Variants in NELL2 observed in about 807,000 individuals in gnomAD.
The protein encoded by NELL2 is neural EGFL like 2.
A neutral mutation model predicts 109.6 loss-of-function variants in NELL2; 41 were observed. The ratio of observed to expected loss-of-function variants is 0.37; its 90% confidence interval spans 0.29 to 0.49. The LOEUF (loss-of-function observed/expected upper bound fraction) is 0.49. NELL2 is among the 20% of genes least tolerant of loss of function. The pLI is 0.98. For synonymous variants in NELL2, 355 were observed against 344.7 expected (o/e 1.03, Z -0.33); for missense variants, 900 against 1,008.3 (o/e 0.89, Z 1.45).
intron 9 of NELL2, among the ~76,000 whole-genome samples, chr12:44,759,579 A>G (rs1201997840): frequency 6.6e-6 from 1 of 152,208 alleles, no homozygotes. Flanking sequence ...GATTGAAGAA[A>G]AAAATCCCAG....
intron 19 of NELL2, among the ~76,000 whole-genome samples, chr12:44,509,974 G>A (rs766304069): frequency 6.6e-6 from 1 of 152,086 alleles, no homozygotes; most frequent in Non-Finnish European, 1.5e-5. Flanking sequence ...TTTTCAGTTA[G>A]GGAAGAAAAC....
chr12:44,866,138 T>G (rs935287548), intron 2 of NELL2, among the ~76,000 whole-genome samples: 1 of 152,232 alleles, frequency 6.6e-6, no homozygotes, highest in African/African-American at 2.4e-5. Flanking sequence ...AGGTGTAATC[T>G]ATGAGGAATG....
intron 9 of NELL2, among the ~76,000 whole-genome samples, chr12:44,755,179 ACCACATGCC>A (rs1940829045): frequency 6.6e-6 from 1 of 151,922 alleles, no homozygotes; most frequent in Non-Finnish European, 1.5e-5. Flanking sequence ...CAGCAAGAAC[ACCACATGCC>A]CCATGGACTT....
intron 2 of NELL2, among the ~76,000 whole-genome samples, chr12:44,816,528 A>T (rs1943356889): frequency 6.6e-6 from 1 of 152,206 alleles, no homozygotes. Context: ...CTAAACAACC[A>T]CACTAGAACT....
intron 9 of NELL2, among the ~76,000 whole-genome samples, chr12:44,760,652 A>G (rs10553939): frequency 0.055 from 846 of 15,324 alleles, 11 homozygotes; most frequent in South Asian, 0.13. Context: ...AGTGAACAAA[A>G]TAATCATTTA....
intron 9 of NELL2, among the ~76,000 whole-genome samples, chr12:44,747,221 T>G (rs1481388791): frequency 1.3e-5 from 2 of 152,036 alleles, no homozygotes; most frequent in Non-Finnish European, 2.9e-5. Flanking sequence ...ACACCACATG[T>G]TCTCACTCAT....
chr12:44,558,406 C>T (rs144408580), intron 15 of NELL2, among the ~76,000 whole-genome samples: 1 of 152,350 alleles, frequency 6.6e-6, no homozygotes, highest in African/African-American at 2.4e-5. Flanking sequence ...CTGCAGCTCT[C>T]AGAGAGATAA....
chr12:44,722,068 G>A (rs767961663), intron 9 of NELL2, among the ~76,000 whole-genome samples: 6 of 152,122 alleles, frequency 3.9e-5, no homozygotes, highest in Non-Finnish European at 8.8e-5. Flanking sequence ...TAGCATACTG[G>A]AGATGGAACA....
intron 13 of NELL2, among the ~76,000 whole-genome samples, chr12:44,662,871 G>A (rs1947796220): frequency 6.6e-6 from 1 of 152,074 alleles, no homozygotes; most frequent in African/African-American, 2.4e-5. Context: ...CAGGGATACA[G>A]AAGCAAAACA....
intron 2 of NELL2, among the ~76,000 whole-genome samples, chr12:44,834,472 T>C (rs1427438808): frequency 6.6e-6 from 1 of 151,636 alleles, no homozygotes; most frequent in Non-Finnish European, 1.5e-5. Context: ...AAAAGGTTTA[T>C]TGATCATGTA....
chr12:44,824,769 G>T (rs11182702), intron 2 of NELL2, among the ~76,000 whole-genome samples: 1 of 146,704 alleles, frequency 6.8e-6, no homozygotes, highest in Non-Finnish European at 1.5e-5. Context: ...GGAGTGCAAC[G>T]GCATGATCTC....
intron 13 of NELL2, among the ~76,000 whole-genome samples, chr12:44,637,008 C>T (rs976497505): frequency 2.6e-5 from 4 of 151,922 alleles, no homozygotes; most frequent in African/African-American, 9.7e-5. Context: ...GGAATTTATC[C>T]ACTTCTTCTA....
At chr12:44,916,238 G>A (rs1292388097), upstream of NELL2, among the ~76,000 whole-genome samples, 3 of 152,130 alleles carry the variant, frequency 2.0e-5, no homozygotes, top group Non-Finnish European at 2.9e-5. Flanking sequence ...TGAACATGAA[G>A]AAGCTGAGAA....
chr12:44,640,892 A>G (rs1376284212), intron 13 of NELL2, among the ~76,000 whole-genome samples: 1 of 152,204 alleles, frequency 6.6e-6, no homozygotes, highest in Non-Finnish European at 1.5e-5. Context: ...AAGATGTTAA[A>G]ACTTTAGAAG....
At chr12:44,691,021 T>A (rs1012286262) in intron 12 of NELL2, among the ~76,000 whole-genome samples, 1 of 152,148 alleles carries the variant, frequency 6.6e-6, no homozygotes, top group Non-Finnish European at 1.5e-5. Flanking sequence ...ATTTTATAGG[T>A]AAGTCATTAA....
chr12:44,656,215 C>CCT (rs1239309161), intron 13 of NELL2, among the ~76,000 whole-genome samples: 31 of 152,200 alleles, frequency 2.0e-4, no homozygotes, highest in Middle Eastern at 6.8e-3. Context: ...CCATTTAGTC[C>CCT]CTGGGTATCA....
Position 44,713,445 on chromosome 12 carries a change from A to G in NELL2, c.1086+1205T>C, listed in dbSNP as rs567248161. ...ACTCTGTCTTCCAATTCTTTTATCT[A>G]TTGTGAGACTTACTCCACTTAAAAC... On this transcript the variant is annotated intron_variant, in intron 10 of 19. Transcript: ENST00000429094. Among the ~76,000 whole-genome samples the G allele has an allele frequency of 5.9e-5, 9 of 151,948 alleles. No individual in the cohort carries two copies. In the South Asian group the frequency reaches 1.0e-3, roughly 17 times the overall value.
chr12:44,762,527 A>G (rs1321564300), intron 9 of NELL2, among the ~76,000 whole-genome samples: 2 of 152,212 alleles, frequency 1.3e-5, no homozygotes, highest in Non-Finnish European at 2.9e-5. Context: ...ATGTGTAACC[A>G]GCAATCCACT....
At chr12:44,516,749 C>T (rs965827211) in intron 19 of NELL2, among the ~76,000 whole-genome samples, 2 of 152,130 alleles carry the variant, frequency 1.3e-5, no homozygotes, top group African/African-American at 4.8e-5. Context: ...CAGCCTTGAA[C>T]GCCTAGGCTC....
Sources: gnomAD v4.1 joint callset for allele counts (sites outside exome capture counted in the v4.1 genomes callset) on GRCh38, gnomAD v4.1.1 for gene constraint, MANE v1.5 for transcripts, NCBI Gene and HGNC (gene_info 2026-07-23, HGNC 2026-07-21) for gene names.